Variants in SRSF12 observed in about 807,000 individuals in gnomAD.
SRSF12 encodes serine/arginine-rich splicing factor 12.
A neutral mutation model predicts 34.1 loss-of-function variants in SRSF12; 21 were observed. The ratio of observed to expected loss-of-function variants is 0.62; its 90% CI spans 0.44 to 0.89. SRSF12 has a LOEUF of 0.89. Ranked by LOEUF, SRSF12 falls within the 40% of genes least tolerant of loss-of-function variation. SRSF12 has a pLI of 0.00. For synonymous variants in SRSF12, 111 were observed against 110.8 expected, an observed-to-expected ratio of 1.00 and a Z score of -0.01; for missense variants, 278 against 327.8, an observed-to-expected ratio of 0.85 and a Z score of 1.17.
chr6:89,117,717 T>C, intron 1 of SRSF12, 106 bp downstream of exon 1: 2 of 1,162,908 alleles, frequency 1.7e-6, no homozygotes, highest in Non-Finnish European at 2.3e-6. Flanking sequence ...GCGGGGAGGC[T>C]CCGCGCAGCT....
intron 2 of SRSF12, 54 bp downstream of exon 2, chr6:89,107,094 ATATATG>A: frequency 1.5e-6 from 2 of 1,359,524 alleles, no homozygotes; most frequent in Non-Finnish European, 1.1e-6. Context: ...TACTGAATAC[ATATATG>A]TATAAGCACG....
At position 89,114,257 on chromosome 6, in the gene SRSF12, G is replaced by A. The variant is rs112762434; in HGVS notation, c.65+3566C>T. On this transcript the variant is annotated intron_variant, in intron 1 of 4. Coordinates refer to ENST00000452027, the MANE Select transcript of SRSF12 (RefSeq NM_080743.5). ...AGCCTGGCCAACATGATGAAACCCC[G>A]TCTCTACTAAAAATACAAAAATTAG... is the stretch of plus-strand genomic sequence containing the variant. 1.9e-3 allele frequency among the ~76,000 whole-genome samples: 288 copies of A among 152,140 alleles called. 3 individuals carry two copies. Among genetic ancestry groups the A allele is most frequent in the African/African-American group, 6.3e-3 (260 of 41,512 alleles).
intron 2 of SRSF12, 71 bp downstream of exon 2, chr6:89,107,083 C>T (rs899390929): frequency 1.6e-6 from 2 of 1,286,464 alleles, no homozygotes; most frequent in East Asian, 4.6e-5. Context: ...ATAACATATG[C>T]TACTGAATAC....
chr6:89,099,536 ATGT>A (rs1465648006), intron 4 of SRSF12, among the ~76,000 whole-genome samples: 6 of 90,946 alleles, frequency 6.6e-5, no homozygotes, highest in Admixed American at 6.5e-4. Flanking sequence ...ACACACATAC[ATGT>A]TTTTTTTTTT....
Position 89,098,365 on chromosome 6 carries a change from G to T in SRSF12, c.*213C>A. 2.2e-6 allele frequency: 1 copy of T among 461,448 alleles called. No homozygotes were observed. The highest frequency in any genetic ancestry group is 3.6e-6 in the Non-Finnish European group (1 of 277,384). The allele number at this position is 461,448 out of a possible 1,614,324, so 28.6% of individuals were successfully genotyped here. A position where few individuals can be genotyped will look rare whatever the true frequency, so the allele number is the denominator to read the frequency against. On this transcript the variant is annotated 3_prime_UTR_variant, in exon 5 of 5. Transcript: ENST00000452027. ...GTAAATAAAAAATGGTCCATAAAAT[G>T]GTGACATTAGACAAATCATAATTTG...
rs1246318422 is a variant in SRSF12 at position 89,098,447 on chromosome 6, T to G, written c.*131A>C. 8.4e-7 allele frequency: 1 copy of G among 1,184,932 alleles called. No homozygotes were observed. Among genetic ancestry groups the G allele is most frequent in the Non-Finnish European group, 1.1e-6 (1 of 887,220 alleles). 73.4% of individuals were successfully genotyped at this position (1,184,932 alleles called of 1,614,324 possible). A position where few individuals can be genotyped will look rare whatever the true frequency, so the allele number is the denominator to read the frequency against. ...TTTATTAATCCAAAGCTAGAGATTT[T>G]ATTTCTTCCATATGCCCAAAGTAAC... is the stretch of plus-strand genomic sequence containing the variant. On this transcript the variant is annotated 3_prime_UTR_variant, in exon 5 of 5. Transcript: ENST00000452027.
chr6:89,109,933 T>C (rs1768966595), intron 1 of SRSF12, among the ~76,000 whole-genome samples: 1 of 151,954 alleles, frequency 6.6e-6, no homozygotes, highest in South Asian at 2.1e-4. Context: ...CTACTAAAAA[T>C]ACAAAAAATT....
At chr6:89,104,757 T>TA (rs534958313) in intron 4 of SRSF12, among the ~76,000 whole-genome samples, 61 of 152,106 alleles carry the variant, frequency 4.0e-4, no homozygotes, top group Non-Finnish European at 7.5e-4. Context: ...ATAAAAACTT[T>TA]AAAATATTTT....
At chr6:89,107,006 A>T in intron 2 of SRSF12, 148 bp downstream of exon 2, 2 of 835,838 alleles carry the variant, frequency 2.4e-6, no homozygotes, top group African/African-American at 1.7e-5. Context: ...CTTGCCAGCT[A>T]CTGTGGACTG....
intron 1 of SRSF12, among the ~76,000 whole-genome samples, chr6:89,112,003 CAA>C (rs1456753619): frequency 6.6e-6 from 1 of 152,166 alleles, no homozygotes; most frequent in African/African-American, 2.4e-5. Context: ...AAACATAACA[CAA>C]ATTTTAAAAC....
At chr6:89,116,999 A>G (rs1013501801) in intron 1 of SRSF12, among the ~76,000 whole-genome samples, 2 of 150,678 alleles carry the variant, frequency 1.3e-5, no homozygotes, top group Admixed American at 1.3e-4. Context: ...AATGAAGCCC[A>G]GTGAAATGAG....
chr6:89,101,813 T>A (rs1469264097), intron 4 of SRSF12, among the ~76,000 whole-genome samples: 1 of 151,982 alleles, frequency 6.6e-6, no homozygotes, highest in Admixed American at 6.6e-5. Flanking sequence ...AGAAAAACAA[T>A]GGAATGACAT....
chr6:89,116,487 A>C (rs1001155068), intron 1 of SRSF12, among the ~76,000 whole-genome samples: 1 of 152,212 alleles, frequency 6.6e-6, no homozygotes, highest in South Asian at 2.1e-4. Flanking sequence ...CAAATAAAAA[A>C]TACTTGGCCG....
At position 89,097,255 on chromosome 6, in the gene SRSF12, T is replaced by C. The variant is rs544038684; in HGVS notation, c.*1323A>G. 2.0e-5 allele frequency: 3 copies of C among 152,304 alleles called. No individual in the cohort carries two copies. Among genetic ancestry groups the C allele is most frequent in the African/African-American group, 7.2e-5 (3 of 41,566 alleles). The allele number at this position is 152,304 out of a possible 1,614,324, so 9.4% of individuals were successfully genotyped here. On this transcript the variant is annotated 3_prime_UTR_variant, in exon 5 of 5. Coordinates refer to ENST00000452027, the MANE Select transcript of SRSF12 (RefSeq NM_080743.5). ...TGAGAACTTTGAAGTTTTCATAATG[T>C]AAGTCACAAAGTATACAAGTAGAGC...
At position 89,098,777 on chromosome 6, in the gene SRSF12, T is replaced by C; in HGVS notation, c.587A>G (p.Gln196Arg). Residue 196 changes from glutamine to arginine, a missense_variant, in exon 5 of 5, where the codon CAG becomes CGG. Gln to Arg is a conservative substitution (Grantham distance 43). Transcript: ENST00000452027. ...QKRSKSIGKS[Q>R]SSSPQKQTSS... ...AGTCTGCTTTTGAGGTGAACTTGAC[T>C]GTGATTTTCCTATTGACTTGGACCT... 6.2e-7 allele frequency: 1 copy of C among 1,614,008 alleles called. No individual in the cohort carries two copies. Among genetic ancestry groups the C allele is most frequent in the Non-Finnish European group, 8.5e-7 (1 of 1,179,892 alleles).
In SRSF12 at chr6:89,098,634, A is replaced by G; in HGVS notation, c.730T>C (p.Ser244Pro). Reference sequence around the variant, plus strand: ...GATCTGGAATGTGACCGAAAATGAGAATGCTTTGCTGTTTGTACTTTAGTT... The same window carrying G: ...GATCTGGAATGTGACCGAAAATGAGGATGCTTTGCTGTTTGTACTTTAGTT... ...SETKVQTAKH[S>P]HFRSHSRSRS... The change falls in exon 5 of 5, where the codon TCT becomes CCT. Residue 244 changes from serine to proline, a missense_variant. Physicochemically the swap from Ser to Pro is moderately conservative, Grantham distance 74 (BLOSUM62 -1). Transcript: ENST00000452027. 1 of 1,613,830 alleles carries G rather than the reference A, an allele frequency of 6.2e-7. No individual in the cohort carries two copies. Among genetic ancestry groups the G allele is most frequent in the East Asian group, 2.2e-5 (1 of 44,884 alleles).
intron 1 of SRSF12, among the ~76,000 whole-genome samples, 167 bp downstream of exon 1, chr6:89,117,656 C>A (rs1769372504): frequency 6.6e-6 from 1 of 151,994 alleles, no homozygotes. Context: ...CGCCCTGGGC[C>A]GCGGAGTAGT....
intron 1 of SRSF12, among the ~76,000 whole-genome samples, chr6:89,110,742 G>A (rs1769007497): frequency 6.6e-6 from 1 of 152,306 alleles, no homozygotes; most frequent in Middle Eastern, 3.4e-3. Context: ...TGGTAGGCTG[G>A]AGGGTATGCC....
intron 4 of SRSF12, among the ~76,000 whole-genome samples, chr6:89,102,261 A>G (rs1481342427): frequency 3.9e-5 from 6 of 152,064 alleles, no homozygotes; most frequent in Non-Finnish European, 4.4e-5. Context: ...CTCCTGCCTC[A>G]ACCTCCCAAG....
Sources: gnomAD v4.1 joint callset for allele counts (sites outside exome capture counted in the v4.1 genomes callset) on GRCh38, gnomAD v4.1.1 for gene constraint, MANE v1.5 for transcripts, NCBI Gene and HGNC (gene_info 2026-07-23, HGNC 2026-07-21) for gene names.